Variants in CPNE5 observed in about 807,000 individuals in gnomAD.
The protein encoded by CPNE5 is copine-5.
A neutral mutation model predicts 81.1 loss-of-function variants in CPNE5; 42 were observed. That is an observed-to-expected ratio of 0.52 (90% CI 0.40 to 0.67). CPNE5 has a LOEUF of 0.67. Among genes scored for constraint, CPNE5 ranks in the 30% least tolerant of loss-of-function variants. The pLI is 0.00. For missense variants in CPNE5, 612 were observed against 815.5 expected, an observed-to-expected ratio of 0.75 and a Z score of 3.04; for synonymous variants, 313 against 321.5, an observed-to-expected ratio of 0.97 and a Z score of 0.28.
intron 3 of CPNE5, among the ~76,000 whole-genome samples, chr6:36,819,586 T>C (rs1771861165): frequency 6.6e-6 from 1 of 152,236 alleles, no homozygotes; most frequent in Admixed American, 6.5e-5. Context: ...CCTGGGTTAC[T>C]GAAGTGTCAC....
intron 3 of CPNE5, among the ~76,000 whole-genome samples, chr6:36,816,507 G>A (rs934984993): frequency 5.3e-5 from 8 of 152,190 alleles, no homozygotes; most frequent in Non-Finnish European, 7.3e-5. Context: ...AAAGTGCTGT[G>A]CCTGCACTTG....
chr6:36,825,913 T>C (rs1408541933), intron 1 of CPNE5, among the ~76,000 whole-genome samples: 2 of 152,162 alleles, frequency 1.3e-5, no homozygotes, highest in Non-Finnish European at 2.9e-5. Context: ...AATTCTATAA[T>C]GAAATTCAGC....
At chr6:36,792,519 C>G (rs1769192381) in intron 7 of CPNE5, 4 of 651,320 alleles carry the variant, frequency 6.1e-6, no homozygotes, top group Admixed American at 2.3e-5. Context: ...CCGGGACAGT[C>G]CAGCTCTGAG....
chr6:36,765,030 G>A lies in CPNE5; in HGVS notation c.779+305C>T, dbSNP rs183645825. Among the ~76,000 whole-genome samples, 459 of 152,314 alleles carry A rather than the reference G, an allele frequency of 3.0e-3. 5 individuals are homozygous for A. The highest frequency in any genetic ancestry group is 9.9e-3 in the African/African-American group (412 of 41,574). On this transcript the variant is annotated intron_variant, in intron 11 of 20. Transcript: ENST00000244751. ...CAGAAAGCCCTAAATTCTGCCACGC[G>A]TGGGGAGATTGTGGGTACTGGCGGG... is the stretch of plus-strand genomic sequence containing the variant.
chr6:36,825,346 G>A (rs1772410384), intron 1 of CPNE5, among the ~76,000 whole-genome samples: 1 of 152,094 alleles, frequency 6.6e-6, no homozygotes, highest in African/African-American at 2.4e-5. Flanking sequence ...CAGATTCCTA[G>A]AGATGCCCCC....
chr6:36,787,545 T>G (rs1264776186), intron 8 of CPNE5, among the ~76,000 whole-genome samples: 1 of 152,168 alleles, frequency 6.6e-6, no homozygotes, highest in East Asian at 1.9e-4. Flanking sequence ...AAAATAGTTG[T>G]TGTAAGAAGA....
chr6:36,792,872 G>T (rs919236542), intron 7 of CPNE5, among the ~76,000 whole-genome samples: 2 of 152,164 alleles, frequency 1.3e-5, no homozygotes, highest in African/African-American at 2.4e-5. Flanking sequence ...AGCCAGAGGT[G>T]GGGGAGTCCC....
At chr6:36,785,704 T>TA (rs1168006684) in intron 8 of CPNE5, among the ~76,000 whole-genome samples, 3 of 151,864 alleles carry the variant, frequency 2.0e-5, no homozygotes, top group Non-Finnish European at 2.9e-5. Flanking sequence ...CCTCCATCTC[T>TA]AAAAAAATAA....
chr6:36,799,767 A>G (rs1289727229), intron 4 of CPNE5, among the ~76,000 whole-genome samples, 200 bp downstream of exon 4: 1 of 152,144 alleles, frequency 6.6e-6, no homozygotes, highest in Non-Finnish European at 1.5e-5. Context: ...GGTGAATGCC[A>G]TTGTTCTCTC....
chr6:36,785,690 G>A (rs939326918), intron 8 of CPNE5, among the ~76,000 whole-genome samples: 3 of 152,060 alleles, frequency 2.0e-5, no homozygotes, highest in South Asian at 4.1e-4. Context: ...GCAACATAGT[G>A]AGACCTCCAT....
intron 12 of CPNE5, among the ~76,000 whole-genome samples, chr6:36,761,488 G>A (rs577941856): frequency 6.6e-6 from 1 of 152,344 alleles, no homozygotes; most frequent in Non-Finnish European, 1.5e-5. Context: ...GAACCGACAT[G>A]CAGGGCAAAG....
chr6:36,792,530 C>A (rs1037706152), intron 7 of CPNE5: 4 of 565,684 alleles, frequency 7.1e-6, no homozygotes, highest in East Asian at 6.6e-5. Flanking sequence ...CAGCTCTGAG[C>A]CACTCTGATG....
intron 8 of CPNE5, among the ~76,000 whole-genome samples, chr6:36,788,904 G>A (rs1301128438): frequency 6.6e-6 from 1 of 152,036 alleles, no homozygotes; most frequent in Non-Finnish European, 1.5e-5. Flanking sequence ...GTTCCCACCC[G>A]CCCACGTCAT....
chr6:36,743,573 T>G (rs1441354479), intron 20 of CPNE5, 116 bp downstream of exon 20: 1 of 1,001,810 alleles, frequency 1.0e-6, no homozygotes, highest in African/African-American at 1.6e-5. Flanking sequence ...ACTTTGGGGC[T>G]CCCAGTGCCT....
rs554465177 is a variant in CPNE5 at position 36,745,423 on chromosome 6, G to A, written c.1293C>T (p.Pro431=). Residue 431 remains proline (P), a synonymous_variant, in exon 17 of 21, where the codon CCC becomes CCT. Coordinates refer to ENST00000244751, the MANE Select transcript of CPNE5 (RefSeq NM_020939.2). ...GGGTGACCACGGGGGCAAAGTTGGT[G>A]GGGCCGTACAGCTGCACAGTGCGCA... ...RSLRTVQLYG[P]TNFAPVVTHV... The A allele has an allele frequency of 3.9e-5, 63 of 1,607,432 alleles. 2 individuals are homozygous for A. The South Asian group carries it at 6.8e-4, about 17-fold the overall frequency.
intron 3 of CPNE5, among the ~76,000 whole-genome samples, chr6:36,811,996 C>G (rs113379246): frequency 3.3e-5 from 5 of 151,834 alleles, no homozygotes; most frequent in African/African-American, 1.2e-4. Context: ...CCTAGTTACT[C>G]GGGAGGCTGA....
Position 36,742,332 on chromosome 6 carries a change from G to C in CPNE5, c.1718C>G (p.Thr573Ser), listed in dbSNP as rs139281125. 3,892 of 1,612,408 alleles carry C rather than the reference G, an allele frequency of 2.4e-3. 8 individuals carry two copies. The highest frequency in any genetic ancestry group is 3.0e-3 in the Non-Finnish European group (3,524 of 1,179,820). ...IRPRPPPAAP[T>S]HSPSQSPART... Reference sequence around the variant, plus strand: ...GGCTGGGGACTGCGAGGGCGAGTGGGTTGGTGCTGCGGGTGGGGGACGCGG... The same window carrying C: ...GGCTGGGGACTGCGAGGGCGAGTGGCTTGGTGCTGCGGGTGGGGGACGCGG... The change falls in exon 21 of 21, where the codon ACC becomes AGC. Residue 573 changes from threonine to serine, a missense_variant. By Grantham distance (58) the Thr-to-Ser change is moderately conservative (BLOSUM62 1). Transcript: ENST00000244751.
At chr6:36,781,968 C>G (rs1768068928) in intron 8 of CPNE5, among the ~76,000 whole-genome samples, 2 of 152,158 alleles carry the variant, frequency 1.3e-5, no homozygotes, top group African/African-American at 2.4e-5. Context: ...AGTCCTGGCT[C>G]TGCATAGCCT....
At chr6:36,812,853 A>G (rs185706593) in intron 3 of CPNE5, among the ~76,000 whole-genome samples, 1 of 152,328 alleles carries the variant, frequency 6.6e-6, no homozygotes, top group Non-Finnish European at 1.5e-5. Context: ...AGAGTCCAGA[A>G]AGCCTACCCC....
Sources: allele counts gnomAD v4.1 joint callset (sites outside exome capture counted in the v4.1 genomes callset), GRCh38; gene constraint gnomAD v4.1.1; transcripts MANE v1.5; gene names NCBI Gene and HGNC (gene_info 2026-07-23, HGNC 2026-07-21).